RERE: variants seen among roughly 807,000 people sequenced by gnomAD.
RERE encodes arginine-glutamic acid dipeptide repeats protein.
A neutral mutation model predicts 146.1 loss-of-function variants in RERE; 40 were observed. The observed-to-expected ratio is 0.27, with a 90% CI of 0.21 to 0.36. The LOEUF (loss-of-function observed/expected upper bound fraction) is 0.36. Ranked by LOEUF, RERE falls within the 10% of genes least tolerant of loss-of-function variation. RERE has a pLI of 1.00. For missense variants in RERE, 1,933 were observed against 2,138.7 expected (o/e 0.90, Z 1.90); for synonymous variants, 1,003 against 866.0 (o/e 1.16, Z -2.78).
chr1:8,658,846 C>A (rs981966026), intron 1 of RERE, among the ~76,000 whole-genome samples: 5 of 152,134 alleles, frequency 3.3e-5, no homozygotes, highest in African/African-American at 1.2e-4. Flanking sequence ...TTCTCTGCAG[C>A]GCTCTTAGGT....
chr1:8,695,587 T>TA (rs34953565), intron 1 of RERE, among the ~76,000 whole-genome samples: 6,839 of 36,752 alleles, frequency 0.19, 1,467 homozygotes, highest in Non-Finnish European at 0.22. Flanking sequence ...CCATTTCTAC[T>TA]AAAAAAAAAA....
intron 4 of RERE, among the ~76,000 whole-genome samples, chr1:8,558,171 T>G (rs994125552): frequency 6.6e-6 from 1 of 152,340 alleles, no homozygotes. Flanking sequence ...TTGTATAAAA[T>G]TATTTGTGAA....
chr1:8,544,626 GTT>G (rs1432488833), intron 6 of RERE, among the ~76,000 whole-genome samples: 1 of 152,158 alleles, frequency 6.6e-6, no homozygotes, highest in Non-Finnish European at 1.5e-5. Context: ...TGGGTGGGAA[GTT>G]TTTAGAGGGA....
chr1:8,815,315 G>T (rs1265393323), intron 1 of RERE, among the ~76,000 whole-genome samples: 1 of 152,104 alleles, frequency 6.6e-6, no homozygotes, highest in African/African-American at 2.4e-5. Flanking sequence ...ACATCATCTT[G>T]CTAAATATTA....
At chr1:8,358,062 T>C in intron 20 of RERE, 134 bp downstream of exon 20, 2 of 1,435,690 alleles carry the variant, frequency 1.4e-6, no homozygotes, top group Non-Finnish European at 1.9e-6. Context: ...GATGCTGAGC[T>C]CTTCTAAGAT....
intron 11 of RERE, among the ~76,000 whole-genome samples, chr1:8,448,648 A>G (rs1644353693): frequency 1.3e-5 from 2 of 152,046 alleles, no homozygotes; most frequent in South Asian, 4.2e-4. Context: ...TCATTGAAGA[A>G]ACATTTATTA....
rs145746737 is a variant in RERE, at chr1:8,813,662, T to A, written c.-145+3498A>T. Reference sequence around the variant, plus strand: ...CAGAGTCTCGCTGTGTCACCCAGGATGGAGTACAGTGGTGCCAATCTCAGC... The same window carrying A: ...CAGAGTCTCGCTGTGTCACCCAGGAAGGAGTACAGTGGTGCCAATCTCAGC... On this transcript the variant is annotated intron_variant, in intron 1 of 22. Transcript: ENST00000400908. Among the ~76,000 whole-genome samples the A allele has an allele frequency of 5.1e-3, 751 of 148,072 alleles. 8 individuals are homozygous for A. The highest frequency in any genetic ancestry group is 0.029 in the South Asian group (139 of 4,718).
chr1:8,450,891 G>A (rs1013702164), intron 11 of RERE, among the ~76,000 whole-genome samples: 3 of 152,064 alleles, frequency 2.0e-5, no homozygotes, highest in South Asian at 2.1e-4. Flanking sequence ...GGTTGCCCAC[G>A]GCCCTTCTAA....
rs2636318 is a variant in RERE, at chr1:8,358,666, G to T, written c.3869C>A (p.Pro1290His). ...PTDPLLAYHM[P>H]GLYNVDPTIR... ...GGTGGGGTCGACGTTGTAGAGGCCA[G>T]GCATGTGGTAGGCCAGCAGGGGGTC... The change falls in exon 20 of 23, where the codon CCT becomes CAT. Residue 1290 changes from proline (P) to histidine (H), a missense_variant. Coordinates refer to ENST00000400908, the MANE Select transcript of RERE (RefSeq NM_001042681.2). The T allele has an allele frequency of 6.3e-7, 1 of 1,585,568 alleles. No individual in the cohort carries two copies. The highest frequency in any genetic ancestry group is 1.2e-5 in the South Asian group (1 of 86,174).
chr1:8,426,904 T>C (rs1020533679), intron 11 of RERE, among the ~76,000 whole-genome samples: 1 of 152,248 alleles, frequency 6.6e-6, no homozygotes, highest in African/African-American at 2.4e-5. Flanking sequence ...GTTTATTTAT[T>C]TGTATAAGGC....
chr1:8,506,195 A>T (rs934083730), intron 8 of RERE, among the ~76,000 whole-genome samples: 3 of 152,194 alleles, frequency 2.0e-5, no homozygotes, highest in African/African-American at 7.2e-5. Context: ...ACTGAGTGGC[A>T]TTAGGTTGAG....
At chr1:8,456,371 C>T (rs185176710) in intron 11 of RERE, among the ~76,000 whole-genome samples, 2 of 152,278 alleles carry the variant, frequency 1.3e-5, no homozygotes, top group African/African-American at 4.8e-5. Flanking sequence ...TGCTCCTACT[C>T]AGGAAAAACA....
rs1361986596 is a variant in RERE, at chr1:8,650,695, G to A, written c.325+5278C>T. Among the ~76,000 whole-genome samples, 12 of 152,124 alleles carry A rather than the reference G, an allele frequency of 7.9e-5. No homozygotes were observed. The East Asian group carries it at 1.6e-3, about 20-fold the overall frequency. On this transcript the variant is annotated intron_variant, in intron 2 of 22. Coordinates refer to ENST00000400908, the MANE Select transcript of RERE (RefSeq NM_001042681.2). Reference sequence around the variant, plus strand: ...GGGCAGATCACAAAGTCAGGAGATCGAGACCATCCTAGCCAACATGGTGAA... The same window carrying A: ...GGGCAGATCACAAAGTCAGGAGATCAAGACCATCCTAGCCAACATGGTGAA...
In RERE at chr1:8,805,238, C is replaced by T. The variant is rs532373568; in HGVS notation, c.-145+11922G>A. On this transcript the variant is annotated intron_variant, in intron 1 of 22. Transcript: ENST00000400908. The stretch of plus-strand genomic sequence containing the variant: ...AATAAACTCATTTTGGGGGGCCAGG[C>T]GCAACAGCTCACATCTCTAATCCCA... Among the ~76,000 whole-genome samples, 103 of 152,020 alleles carry T rather than the reference C, an allele frequency of 6.8e-4. 2 individuals are homozygous for T. The South Asian group carries it at 0.019, about 28-fold the overall frequency.
chr1:8,521,350 A>C (rs1441997091), intron 7 of RERE, among the ~76,000 whole-genome samples: 1 of 152,186 alleles, frequency 6.6e-6, no homozygotes, highest in Non-Finnish European at 1.5e-5. Flanking sequence ...ATTAAAAATA[A>C]AAAGATGTTG....
chr1:8,649,819 G>T (rs1168686604), intron 2 of RERE, among the ~76,000 whole-genome samples: 2 of 151,982 alleles, frequency 1.3e-5, no homozygotes, highest in Non-Finnish European at 2.9e-5. Flanking sequence ...ATGATGAGTG[G>T]GGGAAAATAA....
At chr1:8,381,800 G>C (rs1460440442) in intron 12 of RERE, among the ~76,000 whole-genome samples, 1 of 152,190 alleles carries the variant, frequency 6.6e-6, no homozygotes, top group Non-Finnish European at 1.5e-5. Flanking sequence ...TGTGCGCTTG[G>C]AATTTACCAG....
At position 8,569,661 on chromosome 1, in the gene RERE, G is replaced by T. The variant is rs534917160; in HGVS notation, c.523-12138C>A. Among the ~76,000 whole-genome samples, 5 of 152,292 alleles carry T rather than the reference G, an allele frequency of 3.3e-5. No individual in the cohort carries two copies. The South Asian group carries it at 1.0e-3, about 32-fold the overall frequency. ...AATTCCAGCACTTTGGAAGGCAGAG[G>T]CATGAAGACCGCTTGAGCCCAGTAG... is the stretch of plus-strand genomic sequence containing the variant. On this transcript the variant is annotated intron_variant, in intron 4 of 22. Coordinates refer to ENST00000400908, the MANE Select transcript of RERE (RefSeq NM_001042681.2).
chr1:8,361,923 TC>T, intron 16 of RERE, 47 bp from the exon 17 acceptor site: 1 of 1,323,256 alleles, frequency 7.6e-7, no homozygotes, highest in Non-Finnish European at 1.1e-6. Context: ...AGGGAGACCA[TC>T]CCATCAGCCT....
Sources: allele counts gnomAD v4.1 joint callset (sites outside exome capture counted in the v4.1 genomes callset), GRCh38; gene constraint gnomAD v4.1.1; transcripts MANE v1.5; gene names NCBI Gene and HGNC (gene_info 2026-07-23, HGNC 2026-07-21).